ADGRE1: variants seen among roughly 807,000 people sequenced by gnomAD.
The protein encoded by ADGRE1 is EGF-like module receptor 1.
ADGRE1 carries 82 observed loss-of-function variants against 102.7 expected under a neutral mutation model. That is an observed-to-expected ratio of 0.80 (90% CI 0.67 to 0.96). ADGRE1 has a LOEUF of 0.96. ADGRE1 is among the 40% of genes least tolerant of loss of function. ADGRE1 has a pLI of 0.00. For synonymous variants in ADGRE1, 398 were observed against 399.6 expected, an observed-to-expected ratio of 1.00 and a Z score of 0.05; for missense variants, 1,032 against 1,085.3, an observed-to-expected ratio of 0.95 and a Z score of 0.69.
At chr19:6,895,717 C>A (rs192741731) in intron 2 of ADGRE1, 1 of 152,156 alleles carries the variant, frequency 6.6e-6, no homozygotes, top group African/African-American at 2.4e-5. Context: ...CTTCCCTGTG[C>A]GCACACATCA....
At chr19:6,888,056 T>C (rs1359700624) in intron 1 of ADGRE1, among the ~76,000 whole-genome samples, 5 of 152,210 alleles carry the variant, frequency 3.3e-5, no homozygotes, top group Non-Finnish European at 2.9e-5. Context: ...AACATTTCTA[T>C]GACATTGGGT....
intron 11 of ADGRE1, 103 bp from the exon 12 acceptor site, chr19:6,916,146 C>T (rs56114696): frequency 7.5e-7 from 1 of 1,331,206 alleles, no homozygotes; most frequent in African/African-American, 1.5e-5. Context: ...CTATTCTTTT[C>T]CTTTGCTCGC....
chr19:6,903,933 AAGG>A lies in ADGRE1; in HGVS notation c.788_790del (p.Gly263del). ...AATGGACAGTTGAATTTCACAGACC[AAGG>A]AGTGGAATGTAGAGGTGAGCAGAGA... On this transcript the variant is annotated inframe_deletion, in exon 7 of 21. Coordinates refer to ENST00000312053, the MANE Select transcript of ADGRE1 (RefSeq NM_001974.5). 1 of 1,614,212 alleles carries A rather than the reference AAGG, an allele frequency of 6.2e-7. No homozygotes were observed. Among genetic ancestry groups the A allele is most frequent in the Non-Finnish European group, 8.5e-7 (1 of 1,180,038 alleles).
In ADGRE1 at chr19:6,916,462, G is replaced by T. The variant is rs1325771841; in HGVS notation, c.1420+94G>T. The T allele has an allele frequency of 4.5e-5, 67 of 1,480,282 alleles. No homozygotes were observed. In the Middle Eastern group the frequency reaches 1.2e-3, roughly 26 times the overall value. 91.7% of individuals were successfully genotyped at this position (1,480,282 alleles called of 1,614,324 possible). A position where few individuals can be genotyped will look rare whatever the true frequency, so the allele number is the denominator to read the frequency against. On this transcript the variant is annotated intron_variant, in intron 12 of 20. Coordinates refer to ENST00000312053, the MANE Select transcript of ADGRE1 (RefSeq NM_001974.5). ...TAGGTGCCAAGACCAGTGCCAGATA[G>T]TTGAGAACCAATGAGGGTAGAAATG...
rs749774167 is a variant in ADGRE1 at position 6,916,412 on chromosome 19, C to T, written c.1420+44C>T. 7 of 1,585,478 alleles carry T rather than the reference C, an allele frequency of 4.4e-6. 1 individual carries two copies. The highest frequency in any genetic ancestry group is 4.1e-5 in the African/African-American group (3 of 74,008). On this transcript the variant is annotated intron_variant, in intron 12 of 20. Coordinates refer to ENST00000312053, the MANE Select transcript of ADGRE1 (RefSeq NM_001974.5). Reference sequence around the variant, plus strand: ...GAATGCAGGTTATGGTGTATTCCATCAATAAGTATTTATCGATCCCTTTCT... The same window carrying T: ...GAATGCAGGTTATGGTGTATTCCATTAATAAGTATTTATCGATCCCTTTCT...
chr19:6,916,418 G>C, intron 12 of ADGRE1, 50 bp downstream of exon 12: 1 of 1,570,032 alleles, frequency 6.4e-7, no homozygotes, highest in Middle Eastern at 1.7e-4. Flanking sequence ...CCATCAATAA[G>C]TATTTATCGA....
At chr19:6,902,139 T>A in intron 6 of ADGRE1, 118 bp downstream of exon 6, 1 of 1,314,448 alleles carries the variant, frequency 7.6e-7, no homozygotes, top group Non-Finnish European at 1.1e-6. Context: ...CTGAAGCCAA[T>A]AATCATTCAT....
chr19:6,912,774 T>C (rs1006403991), intron 10 of ADGRE1, among the ~76,000 whole-genome samples: 2 of 152,194 alleles, frequency 1.3e-5, no homozygotes, highest in Non-Finnish European at 2.9e-5. Flanking sequence ...TATCCTGAGA[T>C]GAACATCACT....
At chr19:6,904,391 A>C (rs2546140) in intron 8 of ADGRE1, among the ~76,000 whole-genome samples, 1 of 151,794 alleles carries the variant, frequency 6.6e-6, no homozygotes, top group Non-Finnish European at 1.5e-5. Context: ...TGCAGTAGGC[A>C]CTGAAGATTT....
chr19:6,887,726 C>A, intron 1 of ADGRE1, 87 bp downstream of exon 1: 2 of 1,412,702 alleles, frequency 1.4e-6, no homozygotes, highest in Non-Finnish European at 1.9e-6. Context: ...GATGGTCCAG[C>A]CAAGAGATCA....
intron 17 of ADGRE1, among the ~76,000 whole-genome samples, chr19:6,933,297 A>G (rs531058375): frequency 6.6e-6 from 1 of 151,538 alleles, no homozygotes; most frequent in Admixed American, 6.6e-5. Flanking sequence ...TGGAAGTTCT[A>G]CTCATCTGGA....
At chr19:6,901,446 T>C (rs1282730579) in intron 5 of ADGRE1, among the ~76,000 whole-genome samples, 1 of 152,212 alleles carries the variant, frequency 6.6e-6, no homozygotes, top group Non-Finnish European at 1.5e-5. Flanking sequence ...ATTACTTCAC[T>C]GTCTTCTATT....
At position 6,934,982 on chromosome 19, in the gene ADGRE1, T is replaced by C. The variant is rs1439609872; in HGVS notation, c.2290-5T>C. The C allele has an allele frequency of 6.4e-7, 1 of 1,573,234 alleles. No homozygotes were observed. The highest frequency in any genetic ancestry group is 1.2e-5 in the South Asian group (1 of 86,008). ...GTCTCTCCATCCTTCTGCTTGACTT[T>C]GCAGATCAACTCCCTTCTCCTGACC... On this transcript the variant is annotated splice_region_variant and splice_polypyrimidine_tract_variant and intron_variant, in intron 17 of 20. Transcript: ENST00000312053.
intron 2 of ADGRE1, among the ~76,000 whole-genome samples, chr19:6,892,226 A>G (rs541351394): frequency 6.6e-6 from 1 of 152,330 alleles, no homozygotes; most frequent in South Asian, 2.1e-4. Context: ...GAAGGGAAAT[A>G]AACAAGGCAC....
chr19:6,913,325 C>T lies in ADGRE1; in HGVS notation c.1123-328C>T, dbSNP rs10402930. Among the ~76,000 whole-genome samples, 493 of 152,198 alleles carry T rather than the reference C, an allele frequency of 3.2e-3. 7 individuals carry two copies. The highest frequency in any genetic ancestry group is 0.011 in the African/African-American group (461 of 41,514). ...TCCCAAGTAGCTAGGATTACTGGCA[C>T]GTGCCACCATGCCCGGCTAAATTTT... On this transcript the variant is annotated intron_variant, in intron 10 of 20. Transcript: ENST00000312053.
At chr19:6,932,533 A>G (rs753531872) in intron 17 of ADGRE1, among the ~76,000 whole-genome samples, 1 of 152,122 alleles carries the variant, frequency 6.6e-6, no homozygotes, top group Non-Finnish European at 1.5e-5. Context: ...TTCCTCCAGC[A>G]TTTTTGGTGT....
At position 6,937,392 on chromosome 19, in the gene ADGRE1, A is replaced by G. The variant is rs1448818631; in HGVS notation, c.2531A>G (p.His844Arg). ...CAGGGGGCCTTCATCTTCCTCATCC[A>G]CTGTCTGCTCAACGGCCAGGTGTGT... is the stretch of plus-strand genomic sequence containing the variant. ...SLQGAFIFLI[H>R]CLLNGQVREE... The change falls in exon 19 of 21, where the codon CAC becomes CGC. Residue 844 changes from histidine (H) to arginine (R), a missense_variant. Physicochemically the swap from His to Arg is conservative, Grantham distance 29. Coordinates refer to ENST00000312053, the MANE Select transcript of ADGRE1 (RefSeq NM_001974.5). 3 of 1,612,868 alleles carry G rather than the reference A, an allele frequency of 1.9e-6. No individual in the cohort carries two copies. The highest frequency in any genetic ancestry group is 2.5e-6 in the Non-Finnish European group (3 of 1,179,734).
chr19:6,896,469 T>C lies in ADGRE1; in HGVS notation c.166T>C (p.Cys56Arg), dbSNP rs746774837. The change falls in exon 3 of 21, where the codon TGC becomes CGC. Residue 56 changes from cysteine to arginine, a missense_variant. Transcript: ENST00000312053. ...CACCAATACAGTGGACAGTTACTAT[T>C]GCGCTTGCAAACAAGGCTTCCTGTC... The part of the protein sequence containing the change: ...TCTNTVDSYY[C>R]ACKQGFLSSN... 3 of 1,614,168 alleles carry C rather than the reference T, an allele frequency of 1.9e-6. No homozygotes were observed. Among genetic ancestry groups the C allele is most frequent in the Non-Finnish European group, 2.5e-6 (3 of 1,179,984 alleles).
At chr19:6,912,936 T>G (rs1974253672) in intron 10 of ADGRE1, among the ~76,000 whole-genome samples, 1 of 152,228 alleles carries the variant, frequency 6.6e-6, no homozygotes, top group Non-Finnish European at 1.5e-5. Flanking sequence ...CTTTCTTGCT[T>G]GCTTTCTTGC....
Sources: allele counts gnomAD v4.1 joint callset (sites outside exome capture counted in the v4.1 genomes callset), GRCh38; gene constraint gnomAD v4.1.1; transcripts MANE v1.5; gene names NCBI Gene and HGNC (gene_info 2026-07-23, HGNC 2026-07-21).